The following AGO4 variants were observed in gnomAD, a reference collection of about 807,000 sequenced individuals.
The protein encoded by AGO4 is protein argonaute-4.
Under a neutral mutation model 104.7 loss-of-function variants are expected in AGO4, and 33 were observed. The observed-to-expected ratio is 0.32, with a 90% CI of 0.24 to 0.42. AGO4 has a LOEUF of 0.42. Among genes scored for constraint, AGO4 ranks in the 10% least tolerant of loss-of-function variants. The pLI is 1.00. For synonymous variants in AGO4, 331 were observed against 364.7 expected (o/e 0.91, Z 1.05); for missense variants, 711 against 1,083.4 (o/e 0.66, Z 4.83).
chr1:35,825,852 G>C (rs1224160372), intron 5 of AGO4, 37 bp downstream of exon 5: 1 of 1,594,216 alleles, frequency 6.3e-7, no homozygotes, highest in Non-Finnish European at 8.5e-7. Context: ...AACTCTTTGG[G>C]CTGGTTTTTG....
At chr1:35,836,119 C>A in intron 13 of AGO4, 126 bp downstream of exon 13, 2 of 991,584 alleles carry the variant, frequency 2.0e-6, no homozygotes, top group Non-Finnish European at 2.9e-6. Context: ...CACCCATATA[C>A]CCAATTCCCA....
intron 2 of AGO4, among the ~76,000 whole-genome samples, chr1:35,818,378 C>A (rs1643780677): frequency 6.6e-6 from 1 of 152,076 alleles, no homozygotes; most frequent in South Asian, 2.1e-4. Context: ...AATCCCAGCA[C>A]TTTGGGAGGC....
In AGO4 at chr1:35,822,261, C is replaced by CT. The variant is rs199853317; in HGVS notation, c.186-593dup. On this transcript the variant is annotated intron_variant, in intron 2 of 17. Coordinates refer to ENST00000373210, the MANE Select transcript of AGO4 (RefSeq NM_017629.4). ...ACTTAGATATCCAAGATAGGTTATT[C>CT]TTTTTTTTCTTGAGACAGAATTTCA... Among the ~76,000 whole-genome samples the CT allele has an allele frequency of 6.8e-3, 1,036 of 151,608 alleles. 16 individuals are homozygous for CT. Among genetic ancestry groups the CT allele is most frequent in the African/African-American group, 0.022 (915 of 41,310 alleles).
chr1:35,816,692 G>C lies in AGO4; in HGVS notation c.20-190G>C, dbSNP rs562128336. ...CAGGCTCCTGTAATCCCAGCTACTG[G>C]AGAGGCTGAGGCAGGAGAATCGCTT... On this transcript the variant is annotated intron_variant, in intron 1 of 17. Coordinates refer to ENST00000373210, the MANE Select transcript of AGO4 (RefSeq NM_017629.4). 1.1e-4 allele frequency among the ~76,000 whole-genome samples: 17 copies of C among 151,780 alleles called. No homozygotes were observed. The East Asian group carries it at 3.1e-3, about 28-fold the overall frequency.
At chr1:35,813,503 T>A (rs1351483672) in intron 1 of AGO4, among the ~76,000 whole-genome samples, 1 of 151,948 alleles carries the variant, frequency 6.6e-6, no homozygotes, top group Non-Finnish European at 1.5e-5. Flanking sequence ...ATGACTGTAA[T>A]CCCAGCACTT....
chr1:35,819,724 C>T (rs1643845312), intron 2 of AGO4, among the ~76,000 whole-genome samples: 1 of 84,406 alleles, frequency 1.2e-5, no homozygotes, highest in Non-Finnish European at 2.4e-5. Flanking sequence ...CAGAGTGAGA[C>T]TCTGTCTCAA....
chr1:35,836,932 A>G (rs1445556344), intron 13 of AGO4, among the ~76,000 whole-genome samples: 2 of 152,204 alleles, frequency 1.3e-5, no homozygotes, highest in African/African-American at 2.4e-5. Flanking sequence ...ATTCTTACCA[A>G]CACTTGGTAG....
intron 17 of AGO4, among the ~76,000 whole-genome samples, chr1:35,852,562 ACGTAGATG>A (rs952144131): frequency 2.0e-5 from 3 of 152,214 alleles, no homozygotes; most frequent in African/African-American, 7.2e-5. Flanking sequence ...TATGCTAGGT[ACGTAGATG>A]CATTCATTCA....
At chr1:35,826,279 C>T (rs556510403) in intron 6 of AGO4, among the ~76,000 whole-genome samples, 1 of 152,270 alleles carries the variant, frequency 6.6e-6, no homozygotes, top group Admixed American at 6.5e-5. Context: ...GAATTAAATG[C>T]AATTAGGCTT....
chr1:35,837,666 C>T (rs972172104), intron 13 of AGO4, among the ~76,000 whole-genome samples: 7 of 152,186 alleles, frequency 4.6e-5, no homozygotes, highest in Non-Finnish European at 7.4e-5. Context: ...AGGCATGAGC[C>T]ACCATGCCTA....
At chr1:35,834,636 A>G (rs948791188) in intron 12 of AGO4, among the ~76,000 whole-genome samples, 3 of 152,246 alleles carry the variant, frequency 2.0e-5, no homozygotes, top group African/African-American at 7.2e-5. Context: ...CTTACTTTGT[A>G]TCTATTATAA....
Position 35,822,120 on chromosome 1 carries a change from T to TCGG in AGO4, c.186-741_186-740insGGC, listed in dbSNP as rs1643899647. Among the ~76,000 whole-genome samples, 3 of 152,096 alleles carry TCGG rather than the reference T, an allele frequency of 2.0e-5. No individual in the cohort carries two copies. The East Asian group carries it at 5.8e-4, about 29-fold the overall frequency. On this transcript the variant is annotated intron_variant, in intron 2 of 17. Transcript: ENST00000373210. ...GTCTCGAACTCCTGACCTCAAGTGA[T>TCGG]CCACCTGCCTCGGCCTCCCAAAGTG...
Position 35,831,924 on chromosome 1 carries a change from G to A in AGO4, c.1109G>A (p.Ser370Asn). 1 of 1,614,114 alleles carries A rather than the reference G, an allele frequency of 6.2e-7. No individual in the cohort carries two copies. The highest frequency in any genetic ancestry group is 8.5e-7 in the Non-Finnish European group (1 of 1,180,006). ...RSAPDRQEEI[S>N]RLVKSNSMVG... ...GCTCCTGACAGACAGGAAGAGATCA[G>A]TAGACTGGTCAGTAAGGCATGGTCT... is the stretch of plus-strand genomic sequence containing the variant. Residue 370 changes from serine (S) to asparagine (N), a missense_variant, in exon 9 of 18, where the codon AGT (serine) becomes AAT (asparagine). Ser to Asn is a conservative substitution (Grantham distance 46). Coordinates refer to ENST00000373210, the MANE Select transcript of AGO4 (RefSeq NM_017629.4).
chr1:35,828,647 G>T (rs1644097270), intron 7 of AGO4, among the ~76,000 whole-genome samples: 1 of 151,984 alleles, frequency 6.6e-6, no homozygotes, highest in African/African-American at 2.4e-5. Context: ...AACCTCCCAA[G>T]TAGCTGGGAT....
At chr1:35,815,449 A>G (rs1643660526) in intron 1 of AGO4, among the ~76,000 whole-genome samples, 1 of 152,154 alleles carries the variant, frequency 6.6e-6, no homozygotes, top group African/African-American at 2.4e-5. Flanking sequence ...AGATGTTCAA[A>G]TCTTAGAGAG....
chr1:35,841,408 C>T lies in AGO4; in HGVS notation c.1968C>T (p.Tyr656=), dbSNP rs766328191. 1 of 1,614,184 alleles carries T rather than the reference C, an allele frequency of 6.2e-7. No homozygotes were observed. Among genetic ancestry groups the T allele is most frequent in the Non-Finnish European group, 8.5e-7 (1 of 1,180,026 alleles). The part of the protein sequence containing the change: ...NMVRELLIQF[Y]KSTRFKPTRI... The stretch of plus-strand genomic sequence containing the variant: ...TTCGAGAGCTGCTGATTCAGTTCTA[C>T]AAATCCACACGCTTCAAACCCACTC... Residue 656 remains tyrosine (Y), a synonymous_variant, in exon 14 of 18, where the codon TAC becomes TAT. Coordinates refer to ENST00000373210, the MANE Select transcript of AGO4 (RefSeq NM_017629.4). This position sits in a 1 kb window ranked among gnomAD's most constrained non-coding sequence, Gnocchi z 4.7.
At chr1:35,822,533 C>G (rs139140696) in intron 2 of AGO4, among the ~76,000 whole-genome samples, 2 of 152,086 alleles carry the variant, frequency 1.3e-5, no homozygotes, top group South Asian at 4.1e-4. Flanking sequence ...GGATTACAGC[C>G]GTGAGCCACC....
At chr1:35,826,352 A>G (rs1339072341) in intron 6 of AGO4, among the ~76,000 whole-genome samples, 1 of 152,198 alleles carries the variant, frequency 6.6e-6, no homozygotes, top group African/African-American at 2.4e-5. Flanking sequence ...ATGCTTACCC[A>G]CTTAAGAACT....
chr1:35,850,734 T>C, intron 16 of AGO4, 120 bp from the exon 17 acceptor site: 1 of 802,316 alleles, frequency 1.2e-6, no homozygotes, highest in Non-Finnish European at 1.8e-6. Context: ...TGAACCAAGA[T>C]CGTACCACTG....
Sources: allele counts gnomAD v4.1 joint callset (sites outside exome capture counted in the v4.1 genomes callset), GRCh38; gene constraint gnomAD v4.1.1; non-coding constraint Gnocchi (gnomAD v3.1); transcripts MANE v1.5; gene names NCBI Gene and HGNC (gene_info 2026-07-23, HGNC 2026-07-21).